AKR1C3: variants seen among roughly 807,000 people sequenced by gnomAD.
AKR1C3 encodes aldo-keto reductase family 1 member C3, also known as 3-alpha hydroxysteroid dehydrogenase, type II.
Under a neutral mutation model 43.6 loss-of-function variants are expected in AKR1C3, and 48 were observed. The ratio of observed to expected loss-of-function variants is 1.10; its 90% confidence interval spans 0.87 to 1.40. The LOEUF is 1.40. Among genes scored for constraint, AKR1C3 ranks in the 40% most tolerant of loss-of-function variants. The pLI, the probability that AKR1C3 is intolerant of heterozygous loss-of-function variation, is 0.00. For missense variants in AKR1C3, 482 were observed against 391.2 expected (o/e 1.23, Z -1.96); for synonymous variants, 162 against 139.6 (o/e 1.16, Z -1.13).
At chr10:5,068,386 G>C (rs960001822) in intron 1 of AKR1C3, among the ~76,000 whole-genome samples, 1 of 151,856 alleles carries the variant, frequency 6.6e-6, no homozygotes, top group Non-Finnish European at 1.5e-5. Context: ...AAAAAGCCAG[G>C]CATTAGAAAA....
intron 1 of AKR1C3, among the ~76,000 whole-genome samples, chr10:5,068,812 C>T (rs1366796489): frequency 6.6e-6 from 1 of 152,224 alleles, no homozygotes; most frequent in African/African-American, 2.4e-5. Flanking sequence ...CAGAAGCCCC[C>T]AGGGCCATCC....
intron 1 of AKR1C3, chr10:5,077,781 A>C: frequency 1.1e-6 from 1 of 927,402 alleles, no homozygotes; most frequent in Non-Finnish European, 1.4e-6. Context: ...GTTTTACATT[A>C]ACATGTTCCT....
rs4881384 is a variant in AKR1C3 at position 5,052,720 on chromosome 10, G to A, written c.84+3825G>A. ...TTAGCTAGAAACAAAGGTTCTCCAC[G>A]TCCGCACTAGATTAGCTAGATACAG... is the stretch of plus-strand genomic sequence containing the variant. On this transcript the variant is annotated intron_variant, in intron 1 of 8. Transcript: ENST00000439082. Among the ~76,000 whole-genome samples the A allele has an allele frequency of 0.022, 3,409 of 151,968 alleles. 357 individuals are homozygous for A. The East Asian group carries it at 0.34, about 15-fold the overall frequency.
intron 1 of AKR1C3, among the ~76,000 whole-genome samples, chr10:5,065,228 A>G (rs1838475567): frequency 6.6e-6 from 1 of 152,220 alleles, no homozygotes; most frequent in South Asian, 2.1e-4. Context: ...CAAAATTACT[A>G]TTCAACCGAG....
intron 3 of AKR1C3, chr10:5,098,263 TTTA>T (rs1839260771): frequency 1.1e-6 from 1 of 909,212 alleles, no homozygotes; most frequent in African/African-American, 1.8e-5. Context: ...AACACTTTTT[TTTA>T]TTATTGTTGA....
intron 5 of AKR1C3, among the ~76,000 whole-genome samples, chr10:5,101,549 T>C (rs1367684168): frequency 6.6e-6 from 1 of 152,226 alleles, no homozygotes; most frequent in Non-Finnish European, 1.5e-5. Context: ...TATTTTGTTC[T>C]TTCTTGCTCT....
chr10:5,095,754 T>C (rs1322033635), intron 1 of AKR1C3, among the ~76,000 whole-genome samples: 1 of 152,096 alleles, frequency 6.6e-6, no homozygotes, highest in African/African-American at 2.4e-5. Context: ...TCTTAACAGA[T>C]TTCAGTGAAT....
chr10:5,052,372 G>T (rs1247086995), intron 1 of AKR1C3, among the ~76,000 whole-genome samples: 1 of 152,186 alleles, frequency 6.6e-6, no homozygotes, highest in African/African-American at 2.4e-5. Context: ...TGTGGAAGGG[G>T]ACCTGAGCAG....
chr10:5,099,524 G>A, intron 5 of AKR1C3, 75 bp downstream of exon 5: 1 of 1,601,064 alleles, frequency 6.2e-7, no homozygotes, highest in Non-Finnish European at 8.5e-7. Flanking sequence ...ATATCTGTTT[G>A]TTTTGTCCCA....
At chr10:5,069,904 C>G (rs1469129791) in intron 1 of AKR1C3, among the ~76,000 whole-genome samples, 1 of 152,160 alleles carries the variant, frequency 6.6e-6, no homozygotes, top group Non-Finnish European at 1.5e-5. Context: ...GCCCTTCCGC[C>G]TTCTGCGCAG....
chr10:5,087,443 G>C (rs1397368175), intron 1 of AKR1C3, among the ~76,000 whole-genome samples: 1 of 148,822 alleles, frequency 6.7e-6, no homozygotes, highest in African/African-American at 2.5e-5. Context: ...GGCAATCTCA[G>C]CTCACTGAAA....
chr10:5,051,076 ACT>A, intron 1 of AKR1C3, among the ~76,000 whole-genome samples: 1 of 151,084 alleles, frequency 6.6e-6, no homozygotes, highest in African/African-American at 2.5e-5. Flanking sequence ...TGAAGATTTG[ACT>A]GTGTGTGTGT....
At chr10:5,104,619 A>G (rs587603221) in intron 7 of AKR1C3, among the ~76,000 whole-genome samples, 3 of 152,124 alleles carry the variant, frequency 2.0e-5, no homozygotes, top group East Asian at 3.9e-4. Context: ...GAAAGAGTAC[A>G]TATTTTAGTC....
intron 1 of AKR1C3, among the ~76,000 whole-genome samples, chr10:5,086,238 T>C (rs4644565): frequency 0.85 from 128,736 of 151,320 alleles, 54,940 homozygotes; most frequent in Middle Eastern, 0.91. Context: ...CCTCTACACA[T>C]TGCTTTGAAT....
chr10:5,083,440 G>A (rs1462965495), intron 1 of AKR1C3, among the ~76,000 whole-genome samples: 38 of 152,174 alleles, frequency 2.5e-4, no homozygotes, highest in African/African-American at 8.9e-4. Context: ...GTATTCCATG[G>A]TGTATAGGTG....
intron 1 of AKR1C3, among the ~76,000 whole-genome samples, chr10:5,084,469 G>A (rs1838916440): frequency 6.6e-6 from 1 of 151,574 alleles, no homozygotes; most frequent in African/African-American, 2.4e-5. Flanking sequence ...ATACTGTTTT[G>A]GTTACTGTAG....
chr10:5,098,395 C>G (rs1839265183), intron 3 of AKR1C3, among the ~76,000 whole-genome samples: 1 of 152,184 alleles, frequency 6.6e-6, no homozygotes, highest in South Asian at 2.1e-4. Flanking sequence ...GATTCACAGT[C>G]CTGCCCAAAG....
intron 1 of AKR1C3, among the ~76,000 whole-genome samples, chr10:5,056,205 G>C (rs1838258110): frequency 6.6e-6 from 1 of 152,116 alleles, no homozygotes; most frequent in Non-Finnish European, 1.5e-5. Flanking sequence ...AAACAGATGA[G>C]GGCTATCCCT....
At chr10:5,104,461 TTTAC>T (rs2131851384) in intron 7 of AKR1C3, among the ~76,000 whole-genome samples, 1 of 152,292 alleles carries the variant, frequency 6.6e-6, no homozygotes, top group South Asian at 2.1e-4. Context: ...AATTGACTTA[TTTAC>T]TTTTCTGTAC....
Sources: allele counts gnomAD v4.1 joint callset (sites outside exome capture counted in the v4.1 genomes callset), GRCh38; gene constraint gnomAD v4.1.1; transcripts MANE v1.5; gene names NCBI Gene and HGNC (gene_info 2026-07-23, HGNC 2026-07-21).